MTCL1: variants seen among roughly 807,000 people sequenced by gnomAD.
The protein encoded by MTCL1 is microtubule cross-linking factor 1.
In MTCL1, 79 loss-of-function variants were observed where a neutral mutation model predicts 141.4. That is an observed-to-expected ratio of 0.56 (90% confidence interval 0.47 to 0.67). The LOEUF (loss-of-function observed/expected upper bound fraction) is 0.67, where lower values mean the gene tolerates loss of function less well. Among genes scored for constraint, MTCL1 ranks in the 30% least tolerant of loss-of-function variants. The probability of loss-of-function intolerance (pLI) is 0.00; values close to 1 mark genes in which losing one functional copy is unlikely to be tolerated. For synonymous variants in MTCL1, 914 were observed against 875.8 expected (o/e 1.04, Z -0.77); for missense variants, 2,177 against 2,113.9 (o/e 1.03, Z -0.59).
chr18:8,737,720 G>T (rs1011960798), intron 4 of MTCL1, among the ~76,000 whole-genome samples: 57 of 152,274 alleles, frequency 3.7e-4, no homozygotes, highest in African/African-American at 1.3e-3. Flanking sequence ...ACATACCCAT[G>T]GGGGGAAAGT....
chr18:8,779,655 C>T lies in MTCL1; in HGVS notation c.417+1763C>T, dbSNP rs868771686. Among the ~76,000 whole-genome samples, 9 of 152,082 alleles carry T rather than the reference C, an allele frequency of 5.9e-5. No homozygotes were observed. Among genetic ancestry groups the T allele is most frequent in the South Asian group, 4.2e-4 (2 of 4,812 alleles). ...TCGACCTCACGGAAGACGTCTGACT[C>T]CTTCATTTAATATACACTCTCCCAT... On this transcript the variant is annotated intron_variant, in intron 5 of 16. Coordinates refer to ENST00000359865, the Ensembl canonical transcript of MTCL1. The surrounding 1 kb of genome is among the most constrained non-coding windows in gnomAD (Gnocchi z 4.1).
Position 8,813,064 on chromosome 18 carries a change from AC to A in MTCL1, c.2692del (p.Gln898ArgfsTer54). The A allele has an allele frequency of 6.2e-7, 1 of 1,614,202 alleles. No homozygotes were observed. Among genetic ancestry groups the A allele is most frequent in the South Asian group, 1.1e-5 (1 of 91,086 alleles). ...GCCTTGAAGAAGGAGAGAGAGGTGCACCAGAAGCTCCTGGCAGACAGTCACA... is the reference window on the plus strand; with the variant it reads ...GCCTTGAAGAAGGAGAGAGAGGTGCACAGAAGCTCCTGGCAGACAGTCACA... On this transcript the variant is annotated frameshift_variant, in exon 12 of 17. Transcript: ENST00000359865. LOFTEE classifies it high-confidence loss of function.
At chr18:8,717,384 A>C (rs2096135636) in exon 1 of MTCL1, 1 of 152,344 alleles carries the variant, frequency 6.6e-6, no homozygotes, top group South Asian at 2.1e-4. Context: ...TGTTTTCAGA[A>C]GTGGGAATAG....
chr18:8,812,812 A>G, intron 11 of MTCL1, 167 bp from the exon 11 acceptor site: 1 of 806,978 alleles, frequency 1.2e-6, no homozygotes, highest in Non-Finnish European at 1.9e-6. Context: ...TGACTGTGTC[A>G]AACGCTCTTA....
chr18:8,774,355 G>C (rs371564005), intron 4 of MTCL1, among the ~76,000 whole-genome samples: 1 of 151,898 alleles, frequency 6.6e-6, no homozygotes, highest in Non-Finnish European at 1.5e-5. Flanking sequence ...TTTATTACAA[G>C]GTCTTCCCAT....
intron 10 of MTCL1, among the ~76,000 whole-genome samples, chr18:8,798,989 A>C (rs909299606): frequency 1.3e-5 from 2 of 152,170 alleles, no homozygotes; most frequent in Non-Finnish European, 2.9e-5. Flanking sequence ...CCTCTAACCC[A>C]ACTTTATTAT....
chr18:8,747,226 A>G (rs796646066), intron 4 of MTCL1, among the ~76,000 whole-genome samples: 1 of 152,240 alleles, frequency 6.6e-6, no homozygotes, highest in South Asian at 2.1e-4. Context: ...GAACGGCTTC[A>G]GAACCTGAAG....
intron 3 of MTCL1, chr18:8,720,123 C>T (rs2096159243): frequency 3.9e-6 from 2 of 519,320 alleles, no homozygotes; most frequent in Non-Finnish European, 6.8e-6. Context: ...GCACCACCAT[C>T]AGACCAGCCA....
intron 4 of MTCL1, among the ~76,000 whole-genome samples, chr18:8,745,269 C>G (rs2096330008): frequency 6.6e-6 from 1 of 152,094 alleles, no homozygotes; most frequent in Non-Finnish European, 1.5e-5. Context: ...ATGTCTGTCC[C>G]CCATTAATGG....
At position 8,785,643 on chromosome 18, in the gene MTCL1, C is replaced by G. The variant is rs2096550395; in HGVS notation, c.1732-293C>G. The G allele has an allele frequency of 9.8e-6, 4 of 407,886 alleles. No homozygotes were observed. In the East Asian group the frequency reaches 2.0e-4, roughly 20 times the overall value. The allele number at this position is 407,886 out of a possible 1,614,324, so 25.3% of individuals were successfully genotyped here. The stretch of plus-strand genomic sequence containing the variant: ...ATTCACGCATCGCCATCGCATGTGC[C>G]CCGTAACCAGTGTTTTGCACCCCCA... On this transcript the variant is annotated intron_variant, in intron 6 of 16. Transcript: ENST00000359865.
chr18:8,716,322 C>T (rs894197033), upstream of MTCL1, among the ~76,000 whole-genome samples: 1 of 152,096 alleles, frequency 6.6e-6, no homozygotes, highest in Middle Eastern at 3.2e-3. Context: ...GTGAGTAGCT[C>T]GTTCTCTTGA....
chr18:8,737,235 G>A (rs1402551522), intron 4 of MTCL1, among the ~76,000 whole-genome samples: 1 of 152,230 alleles, frequency 6.6e-6, no homozygotes, highest in African/African-American at 2.4e-5. Context: ...AACTAAGAGA[G>A]TAGCTGATGT....
Position 8,779,506 on chromosome 18 carries a change from A to G in MTCL1, c.417+1614A>G, listed in dbSNP as rs76889716. 4.6e-5 allele frequency among the ~76,000 whole-genome samples: 7 copies of G among 152,162 alleles called. No individual in the cohort carries two copies. Among genetic ancestry groups the G allele is most frequent in the African/African-American group, 1.7e-4 (7 of 41,442 alleles). ...TCCCGCTGCCTGAGCTGAAGCTGTG[A>G]TTCCACATCTTATGAGAAGGAGTGG... On this transcript the variant is annotated intron_variant, in intron 5 of 16. Coordinates refer to ENST00000359865, the Ensembl canonical transcript of MTCL1. The surrounding 1 kb of genome is among the most constrained non-coding windows in gnomAD (Gnocchi z 4.1).
intron 9 of MTCL1, 130 bp from the exon 9 acceptor site, chr18:8,797,967 G>A: frequency 2.3e-6 from 2 of 854,838 alleles, no homozygotes; most frequent in Non-Finnish European, 3.4e-6. Flanking sequence ...GAGCATTTTA[G>A]GGGTAAGGAC....
chr18:8,829,490 A>T, intron 16 of MTCL1: 1 of 945,314 alleles, frequency 1.1e-6, no homozygotes. Context: ...CGTGGGTGAC[A>T]GAGTAAATGC....
At chr18:8,752,344 C>A (rs549788271) in intron 4 of MTCL1, among the ~76,000 whole-genome samples, 26 of 152,332 alleles carry the variant, frequency 1.7e-4, no homozygotes, top group African/African-American at 6.3e-4. Context: ...TTCTCTTTTA[C>A]TATTTAAACT....
At chr18:8,798,735 T>C (rs1052934493) in intron 10 of MTCL1, among the ~76,000 whole-genome samples, 1 of 152,198 alleles carries the variant, frequency 6.6e-6, no homozygotes, top group Non-Finnish European at 1.5e-5. Context: ...AATAAAAGTA[T>C]TTGATGACAC....
chr18:8,737,508 A>G (rs2096280411), intron 4 of MTCL1, among the ~76,000 whole-genome samples: 3 of 152,226 alleles, frequency 2.0e-5, no homozygotes, highest in Admixed American at 6.5e-5. Context: ...ATCAGGGTGC[A>G]TGTTCTTGAA....
chr18:8,764,372 C>T (rs377675368), intron 4 of MTCL1, among the ~76,000 whole-genome samples: 79 of 150,970 alleles, frequency 5.2e-4, no homozygotes, highest in African/African-American at 1.6e-3. Flanking sequence ...GGCTGAAGTG[C>T]GGTGGTGCAA....
Sources: allele counts gnomAD v4.1 joint callset (sites outside exome capture counted in the v4.1 genomes callset), GRCh38; gene constraint gnomAD v4.1.1; non-coding constraint Gnocchi (gnomAD v3.1); transcripts MANE v1.5; gene names NCBI Gene and HGNC (gene_info 2026-07-23, HGNC 2026-07-21).